Variants in C1QTNF3 observed in about 807,000 individuals in gnomAD.
The protein encoded by C1QTNF3 is C1q and TNF related 3, also known as complement C1q tumor necrosis factor-related protein 3.
C1QTNF3 carries 26 observed loss-of-function variants against 32.6 expected under a neutral mutation model. The ratio of observed to expected loss-of-function variants is 0.80; its 90% CI spans 0.58 to 1.11. The LOEUF is 1.11. Ranked by LOEUF, C1QTNF3 falls within the 50% of genes least tolerant of loss-of-function variation. C1QTNF3 has a pLI of 0.00. For missense variants in C1QTNF3, 362 were observed against 398.2 expected (o/e 0.91, Z 0.77); for synonymous variants, 155 against 146.0 (o/e 1.06, Z -0.44).
upstream of C1QTNF3, among the ~76,000 whole-genome samples, chr5:34,047,678 CTT>C (rs959816133): frequency 7.2e-5 from 11 of 152,164 alleles, no homozygotes; most frequent in Non-Finnish European, 1.0e-4. Context: ...GGCTTAGTCT[CTT>C]TGATTTAAAC....
chr5:34,064,670 G>A, the C1QTNF3 span, among the ~76,000 whole-genome samples: 1 of 152,160 alleles, frequency 6.6e-6, no homozygotes, highest in Admixed American at 6.5e-5. Context: ...GATCTGGGAC[G>A]GCGGCAAACA....
chr5:34,080,959 C>T, the C1QTNF3 span, among the ~76,000 whole-genome samples: 7 of 151,662 alleles, frequency 4.6e-5, no homozygotes, highest in African/African-American at 1.2e-4. Flanking sequence ...ATGGTCAATA[C>T]GCTGAGTGAA....
chr5:34,024,077 GA>G, intron 4 of C1QTNF3, 69 bp from the exon 5 acceptor site: 1 of 1,210,180 alleles, frequency 8.3e-7, no homozygotes, highest in Non-Finnish European at 1.2e-6. Flanking sequence ...GAGATACCTG[GA>G]GATTTGCCAA....
the C1QTNF3 span, among the ~76,000 whole-genome samples, chr5:34,207,154 T>C: frequency 2.7e-4 from 41 of 152,112 alleles, no homozygotes; most frequent in African/African-American, 9.2e-4. Flanking sequence ...GAGAAGAAAA[T>C]TGATGGGTAG....
chr5:34,230,403 A>C, the C1QTNF3 span, among the ~76,000 whole-genome samples: 1 of 152,176 alleles, frequency 6.6e-6, no homozygotes, highest in South Asian at 2.1e-4. Context: ...AAAATAATAC[A>C]TTTGGCAAAT....
At chr5:34,055,263 A>G in the C1QTNF3 span, among the ~76,000 whole-genome samples, 3 of 152,332 alleles carry the variant, frequency 2.0e-5, no homozygotes, top group East Asian at 5.8e-4. Flanking sequence ...CTGATTGGCT[A>G]ATTCTAAACT....
At chr5:34,093,792 C>T in the C1QTNF3 span, among the ~76,000 whole-genome samples, 1 of 152,102 alleles carries the variant, frequency 6.6e-6, no homozygotes, top group Non-Finnish European at 1.5e-5. Flanking sequence ...TACTCACAAA[C>T]CAATCATCAC....
chr5:34,239,050 C>T, the C1QTNF3 span, among the ~76,000 whole-genome samples: 1 of 152,066 alleles, frequency 6.6e-6, no homozygotes, highest in East Asian at 1.9e-4. Flanking sequence ...ACTAAACTTC[C>T]TAAGTGAAGA....
chr5:34,162,537 T>C, the C1QTNF3 span, among the ~76,000 whole-genome samples: 1 of 152,162 alleles, frequency 6.6e-6, no homozygotes. Context: ...TCTGAATTAC[T>C]AGATATGGCA....
chr5:34,031,267 A>G (rs538530415), intron 3 of C1QTNF3, among the ~76,000 whole-genome samples: 12 of 152,196 alleles, frequency 7.9e-5, no homozygotes, highest in Admixed American at 4.6e-4. Flanking sequence ...CTCCTTCACA[A>G]TCTGTGTAAG....
chr5:34,177,253 T>C, the C1QTNF3 span, among the ~76,000 whole-genome samples: 21 of 152,148 alleles, frequency 1.4e-4, no homozygotes, highest in African/African-American at 4.6e-4. Context: ...AAGACCTCAA[T>C]AGCCACATGT....
At chr5:34,142,618 T>C in the C1QTNF3 span, among the ~76,000 whole-genome samples, 1 of 152,186 alleles carries the variant, frequency 6.6e-6, no homozygotes, top group Admixed American at 6.5e-5. Flanking sequence ...CTATCTACTG[T>C]CATTACTCTT....
At chr5:34,133,805 C>G in the C1QTNF3 span, among the ~76,000 whole-genome samples, 19 of 152,350 alleles carry the variant, frequency 1.2e-4, no homozygotes, top group African/African-American at 4.3e-4. Context: ...CTTCTTTTCT[C>G]TATGGACTAC....
At chr5:34,054,520 C>A in the C1QTNF3 span, among the ~76,000 whole-genome samples, 1 of 152,176 alleles carries the variant, frequency 6.6e-6, no homozygotes, top group Non-Finnish European at 1.5e-5. Flanking sequence ...ATGAGCCGGG[C>A]TGTGTTCCAA....
At chr5:34,099,302 C>A in the C1QTNF3 span, among the ~76,000 whole-genome samples, 1 of 152,112 alleles carries the variant, frequency 6.6e-6, no homozygotes, top group African/African-American at 2.4e-5. Context: ...TGCTCATCAA[C>A]ATATTTACTT....
chr5:34,029,376 G>T (rs1322228318), intron 3 of C1QTNF3, among the ~76,000 whole-genome samples: 1 of 151,770 alleles, frequency 6.6e-6, no homozygotes, highest in African/African-American at 2.4e-5. Context: ...CTAGGCTCAA[G>T]AGATCCACCT....
the C1QTNF3 span, among the ~76,000 whole-genome samples, chr5:34,225,891 T>C: frequency 6.6e-6 from 1 of 151,474 alleles, no homozygotes; most frequent in Non-Finnish European, 1.5e-5. Context: ...TTTAATATGC[T>C]CATCAAAATA....
the C1QTNF3 span, among the ~76,000 whole-genome samples, chr5:34,077,267 T>C: frequency 1.3e-5 from 2 of 151,726 alleles, no homozygotes; most frequent in Admixed American, 1.3e-4. Flanking sequence ...GATCTTCAGG[T>C]TGTTAAATGT....
At chr5:34,207,828 C>T in the C1QTNF3 span, among the ~76,000 whole-genome samples, 1 of 151,588 alleles carries the variant, frequency 6.6e-6, no homozygotes, top group Non-Finnish European at 1.5e-5. Flanking sequence ...CACTCAGTCA[C>T]CCAGGCTGGA....
Sources: gnomAD v4.1 joint callset for allele counts (sites outside exome capture counted in the v4.1 genomes callset) on GRCh38, gnomAD v4.1.1 for gene constraint, MANE v1.5 for transcripts, NCBI Gene and HGNC (gene_info 2026-07-23, HGNC 2026-07-21) for gene names.